The following UST variants were observed in gnomAD, a reference collection of about 807,000 sequenced individuals.
UST encodes the protein uronyl 2-sulfotransferase.
Under a neutral mutation model 45.6 loss-of-function variants are expected in UST, and 21 were observed. The observed-to-expected ratio is 0.46, with a 90% CI of 0.33 to 0.66. The LOEUF is 0.66. UST is among the 30% of genes least tolerant of loss of function. The probability of loss-of-function intolerance (pLI) is 0.02; values close to 1 mark genes in which losing one functional copy is unlikely to be tolerated. For synonymous variants in UST, 215 were observed against 200.6 expected (o/e 1.07, Z -0.61); for missense variants, 463 against 512.4 (o/e 0.90, Z 0.93).
intron 3 of UST, among the ~76,000 whole-genome samples, chr6:148,941,817 A>G (rs975433474): frequency 5.9e-5 from 9 of 152,150 alleles, no homozygotes; most frequent in East Asian, 5.8e-4. Flanking sequence ...TTTCTCACCA[A>G]TGTCCAGGAT....
intron 1 of UST, among the ~76,000 whole-genome samples, chr6:148,780,468 C>G (rs1776623634): frequency 6.6e-6 from 1 of 152,096 alleles, no homozygotes; most frequent in African/African-American, 2.4e-5. Context: ...GCCCTGGTGT[C>G]TGCTGTTCCC....
intron 5 of UST, among the ~76,000 whole-genome samples, chr6:148,980,772 G>T (rs2500521): frequency 0.37 from 56,325 of 151,866 alleles, 10,586 homozygotes; most frequent in East Asian, 0.48. Context: ...AGGTTGGAGT[G>T]CAGTGGTTGG....
chr6:148,970,372 C>T (rs1780890509), intron 5 of UST, among the ~76,000 whole-genome samples: 1 of 152,222 alleles, frequency 6.6e-6, no homozygotes, highest in Admixed American at 6.5e-5. Flanking sequence ...TCCGCCCTCA[C>T]AGCCTCTCCT....
At chr6:148,769,218 G>A (rs1037136031) in intron 1 of UST, among the ~76,000 whole-genome samples, 1 of 152,208 alleles carries the variant, frequency 6.6e-6, no homozygotes, top group Non-Finnish European at 1.5e-5. Flanking sequence ...GCACTCATTT[G>A]AACACTATTT....
intron 1 of UST, 45 bp downstream of exon 1, chr6:148,747,722 G>A (rs1442174471): frequency 1.3e-6 from 2 of 1,519,912 alleles, no homozygotes; most frequent in Admixed American, 4.3e-5. Context: ...ACAGCGCAAA[G>A]TTGTGCGGCG....
chr6:148,982,341 C>T (rs762334304), intron 5 of UST, among the ~76,000 whole-genome samples: 4 of 152,070 alleles, frequency 2.6e-5, no homozygotes, highest in Admixed American at 6.6e-5. Context: ...TCAAATGATC[C>T]GCCCAACTCG....
chr6:148,771,229 ATTTCT>A (rs773830036), intron 1 of UST, among the ~76,000 whole-genome samples: 1 of 152,154 alleles, frequency 6.6e-6, no homozygotes, highest in African/African-American at 2.4e-5. Flanking sequence ...TGAGGCTGTA[ATTTCT>A]TGCTGTTTGG....
At chr6:148,747,718 C>A in intron 1 of UST, 41 bp downstream of exon 1, 1 of 1,533,948 alleles carries the variant, frequency 6.5e-7, no homozygotes. Flanking sequence ...GCCGACAGCG[C>A]AAAGTTGTGC....
At chr6:148,917,676 A>G (rs537078323) in intron 2 of UST, among the ~76,000 whole-genome samples, 1 of 152,232 alleles carries the variant, frequency 6.6e-6, no homozygotes, top group African/African-American at 2.4e-5. Context: ...CGGTGTGCTC[A>G]AACGCAAGGT....
chr6:148,875,382 C>T (rs1441218756), intron 1 of UST, among the ~76,000 whole-genome samples: 1 of 152,142 alleles, frequency 6.6e-6, no homozygotes, highest in Non-Finnish European at 1.5e-5. Flanking sequence ...TATATCAAGA[C>T]AGTATTGGAA....
At chr6:148,819,941 G>A (rs553873555) in intron 1 of UST, among the ~76,000 whole-genome samples, 169 of 152,118 alleles carry the variant, frequency 1.1e-3, no homozygotes, top group Non-Finnish European at 1.9e-3. Flanking sequence ...CTTTTTCCAC[G>A]AGCTGCTATT....
chr6:148,983,454 GA>G (rs1275563029), intron 5 of UST, among the ~76,000 whole-genome samples: 2 of 150,638 alleles, frequency 1.3e-5, no homozygotes, highest in African/African-American at 4.9e-5. Context: ...TTGATAAAAG[GA>G]AAAAAAAATC....
chr6:148,882,401 G>T (rs1172550445), intron 1 of UST, among the ~76,000 whole-genome samples: 1 of 146,466 alleles, frequency 6.8e-6, no homozygotes, highest in Non-Finnish European at 1.5e-5. Flanking sequence ...CAGGAGAATT[G>T]CTTGAACCTG....
At chr6:148,991,027 G>A (rs1449943817) in intron 5 of UST, among the ~76,000 whole-genome samples, 1 of 152,216 alleles carries the variant, frequency 6.6e-6, no homozygotes, top group Admixed American at 6.5e-5. Flanking sequence ...CTAGTGAGGT[G>A]AGGCAGGTAG....
chr6:149,040,252 AT>A (rs1776292628), intron 7 of UST, among the ~76,000 whole-genome samples: 1 of 152,132 alleles, frequency 6.6e-6, no homozygotes, highest in South Asian at 2.1e-4. Flanking sequence ...TAGCATTTTA[AT>A]TTTCACTTGT....
At chr6:148,759,571 G>T (rs1776167034) in intron 1 of UST, among the ~76,000 whole-genome samples, 1 of 147,438 alleles carries the variant, frequency 6.8e-6, no homozygotes, top group South Asian at 2.2e-4. Flanking sequence ...AGAATGCGGC[G>T]TACGCGGTGG....
intron 7 of UST, among the ~76,000 whole-genome samples, chr6:149,036,776 G>T (rs1422515833): frequency 1.3e-5 from 2 of 152,136 alleles, no homozygotes; most frequent in African/African-American, 4.8e-5. Flanking sequence ...TCCTTTAACG[G>T]TAATTGATTA....
intron 1 of UST, among the ~76,000 whole-genome samples, chr6:148,791,232 G>A (rs544739716): frequency 2.0e-5 from 3 of 152,068 alleles, no homozygotes; most frequent in Non-Finnish European, 4.4e-5. Context: ...GACAGTTCCC[G>A]CAGGAACAAT....
At chr6:149,038,374 C>A (rs1312458943) in intron 7 of UST, among the ~76,000 whole-genome samples, 1 of 149,256 alleles carries the variant, frequency 6.7e-6, no homozygotes, top group African/African-American at 2.5e-5. Flanking sequence ...TGACTTGTGC[C>A]CTTAAAAGGA....
Sources: allele counts gnomAD v4.1 joint callset (sites outside exome capture counted in the v4.1 genomes callset), GRCh38; gene constraint gnomAD v4.1.1; transcripts MANE v1.5; gene names NCBI Gene and HGNC (gene_info 2026-07-23, HGNC 2026-07-21).